Variants in KLF17 observed in about 807,000 individuals in gnomAD.
KLF17 encodes the protein Krueppel-like factor 17.
A neutral mutation model predicts 34.2 loss-of-function variants in KLF17; 31 were observed. The observed-to-expected ratio is 0.91, with a 90% CI of 0.68 to 1.22. KLF17 has a LOEUF of 1.22. KLF17 is among the 50% of genes most tolerant of loss of function. KLF17 has a pLI of 0.00. For synonymous variants in KLF17, 179 were observed against 186.7 expected (o/e 0.96, Z 0.34); for missense variants, 478 against 505.2 (o/e 0.95, Z 0.52).
chr1:44,061,344 G>A, the KLF17 span: 1 of 152,222 alleles, frequency 6.6e-6, no homozygotes, highest in African/African-American at 2.4e-5. Flanking sequence ...AGATTAAAGA[G>A]GAGTATCTAA....
chr1:44,063,769 G>T, the KLF17 span, among the ~76,000 whole-genome samples: 2 of 152,170 alleles, frequency 1.3e-5, no homozygotes, highest in African/African-American at 4.8e-5. Flanking sequence ...CAAAAAGACC[G>T]TAAGGGCCAT....
At chr1:44,046,893 T>C in the KLF17 span, among the ~76,000 whole-genome samples, 4 of 151,960 alleles carry the variant, frequency 2.6e-5, no homozygotes, top group Non-Finnish European at 2.9e-5. Flanking sequence ...TGTGATGGTG[T>C]GCACCTGTAA....
the KLF17 span, among the ~76,000 whole-genome samples, chr1:44,071,970 C>T: frequency 6.6e-6 from 1 of 151,960 alleles, no homozygotes; most frequent in Non-Finnish European, 1.5e-5. Flanking sequence ...GCCTCCTCCT[C>T]TTCCTCCTAC....
At chr1:44,094,446 A>G in the KLF17 span, among the ~76,000 whole-genome samples, 16 of 152,200 alleles carry the variant, frequency 1.1e-4, no homozygotes, top group African/African-American at 3.6e-4. Context: ...AGTTTCTCCA[A>G]TGTTTTCTTT....
the KLF17 span, chr1:44,103,805 G>A: frequency 7.7e-5 from 66 of 856,634 alleles, 1 homozygote; most frequent in Non-Finnish European, 1.3e-4. Flanking sequence ...TCTGGCCTTT[G>A]AGGCACTCAG....
At chr1:44,119,046 G>T in intron 1 of KLF17, 58 bp downstream of exon 1, 1 of 1,378,496 alleles carries the variant, frequency 7.3e-7, no homozygotes. Flanking sequence ...GGGCGGCGGG[G>T]AGGGGAGGCC....
At chr1:44,044,264 T>C in the KLF17 span, among the ~76,000 whole-genome samples, 1 of 152,236 alleles carries the variant, frequency 6.6e-6, no homozygotes, top group African/African-American at 2.4e-5. Flanking sequence ...CGGACTGTGG[T>C]TGACAGAAAG....
the KLF17 span, among the ~76,000 whole-genome samples, chr1:44,081,551 A>G: frequency 6.6e-6 from 1 of 151,708 alleles, no homozygotes; most frequent in Non-Finnish European, 1.5e-5. Flanking sequence ...AAGCAGCTGG[A>G]ACTACAGGTG....
chr1:44,049,963 T>G, the KLF17 span, among the ~76,000 whole-genome samples: 1 of 152,226 alleles, frequency 6.6e-6, no homozygotes, highest in African/African-American at 2.4e-5. Flanking sequence ...AGGAAAAGAA[T>G]GCATAGCCAG....
intron 1 of KLF17, among the ~76,000 whole-genome samples, chr1:44,123,973 T>C (rs1177831162): frequency 6.6e-6 from 1 of 152,100 alleles, no homozygotes; most frequent in African/African-American, 2.4e-5. Flanking sequence ...TGAAATCTAT[T>C]GAGACTTAAT....
the KLF17 span, among the ~76,000 whole-genome samples, chr1:44,094,979 C>A: frequency 6.0e-5 from 9 of 151,008 alleles, no homozygotes; most frequent in African/African-American, 1.9e-4. Context: ...CGGCTCACTG[C>A]AAGCTCTGCC....
At chr1:44,056,742 G>C in the KLF17 span, among the ~76,000 whole-genome samples, 2 of 152,188 alleles carry the variant, frequency 1.3e-5, no homozygotes, top group East Asian at 3.9e-4. Context: ...ACATGGCCAG[G>C]ATGCTTGCAA....
chr1:44,127,679 T>TTTCTTTCTTTCTTTC (rs1557731962), intron 1 of KLF17, among the ~76,000 whole-genome samples: 5 of 40,062 alleles, frequency 1.2e-4, no homozygotes, highest in Admixed American at 3.6e-4. Context: ...TCTTTCTTTC[T>TTTCTTTCTTTCTTTC]TTCTTTCTTT....
the KLF17 span, among the ~76,000 whole-genome samples, chr1:44,097,842 T>C: frequency 6.6e-6 from 1 of 152,228 alleles, no homozygotes. Flanking sequence ...TTGAATTTTA[T>C]TAAATGCTTT....
the KLF17 span, among the ~76,000 whole-genome samples, chr1:44,074,382 C>T: frequency 1.3e-5 from 2 of 152,116 alleles, no homozygotes; most frequent in African/African-American, 2.4e-5. Context: ...TGTGGCTAGC[C>T]GCCTTCTGTT....
In KLF17 at chr1:44,129,825, T is replaced by C. The variant is rs2088083155; in HGVS notation, c.554T>C (p.Val185Ala). 6.2e-7 allele frequency: 1 copy of C among 1,614,146 alleles called. No individual in the cohort carries two copies. Among genetic ancestry groups the C allele is most frequent in the Non-Finnish European group, 8.5e-7 (1 of 1,180,030 alleles). Reference protein sequence around the residue: ...PPVPYPGLSTVPSDETLLGPT... With the variant: ...PPVPYPGLSTAPSDETLLGPT... ...GTGCCTTACCCTGGCCTCTCGACAG[T>C]ACCTTCTGACGAAACATTGTTGGGC... The change falls in exon 2 of 4, where the codon GTA becomes GCA. Residue 185 changes from valine (V) to alanine (A), a missense_variant. By Grantham distance (64) the Val-to-Ala change is moderately conservative (BLOSUM62 0). Transcript: ENST00000372299.
At chr1:44,087,882 C>T in the KLF17 span, 10 of 155,210 alleles carry the variant, frequency 6.4e-5, no homozygotes, top group African/African-American at 2.2e-4. Flanking sequence ...TAATGGCAAA[C>T]CTTGGCACAT....
rs11401670 is a variant in KLF17 at position 44,127,634 on chromosome 1, C to CTTTTCTTTTCTTTCT, written c.82-1716_82-1715insTCTTTTCTTTCTTTT. 7.8e-4 allele frequency among the ~76,000 whole-genome samples: 32 copies of CTTTTCTTTTCTTTCT among 41,066 alleles called. 1 individual carries two copies. Among genetic ancestry groups the CTTTTCTTTTCTTTCT allele is most frequent in the African/African-American group, 2.2e-3 (32 of 14,292 alleles). 26.9% of individuals were successfully genotyped at this position (41,066 alleles called of 152,430 possible). A position where few individuals can be genotyped will look rare whatever the true frequency, so the allele number is the denominator to read the frequency against. ...TCTTTCTTTTCTTTTCTTTTCTTTT[C>CTTTTCTTTTCTTTCT]TTTCCTTCTTTCTTTCTTTCTTTCT... On this transcript the variant is annotated intron_variant, in intron 1 of 3. Transcript: ENST00000372299.
At chr1:44,076,531 C>G in the KLF17 span, 2 of 152,214 alleles carry the variant, frequency 1.3e-5, no homozygotes, top group Non-Finnish European at 2.9e-5. Context: ...ATTACTCCAC[C>G]TCTTCATCAC....
Sources: gnomAD v4.1 joint callset for allele counts (sites outside exome capture counted in the v4.1 genomes callset) on GRCh38, gnomAD v4.1.1 for gene constraint, MANE v1.5 for transcripts, NCBI Gene and HGNC (gene_info 2026-07-23, HGNC 2026-07-21) for gene names.